The following GRID1 variants were observed in gnomAD, a reference collection of about 807,000 sequenced individuals.
GRID1 encodes glutamate ionotropic receptor delta type subunit 1.
Under a neutral mutation model 98.0 loss-of-function variants are expected in GRID1, and 28 were observed. That is an observed-to-expected ratio of 0.29 (90% CI 0.21 to 0.39). The LOEUF (loss-of-function observed/expected upper bound fraction) is 0.39, where lower values mean the gene tolerates loss of function less well. Ranked by LOEUF, GRID1 falls within the 10% of genes least tolerant of loss-of-function variation. GRID1 has a pLI of 1.00. For missense variants in GRID1, 1,111 were observed against 1,340.5 expected (o/e 0.83, Z 2.67); for synonymous variants, 553 against 538.5 (o/e 1.03, Z -0.37).
chr10:86,198,632 A>C (rs1845908147), intron 3 of GRID1, among the ~76,000 whole-genome samples: 1 of 152,194 alleles, frequency 6.6e-6, no homozygotes, highest in Non-Finnish European at 1.5e-5. Flanking sequence ...AAACTGTTGC[A>C]CAGAGAGGTT....
At chr10:86,252,201 T>C (rs889018231) in intron 2 of GRID1, among the ~76,000 whole-genome samples, 1 of 152,202 alleles carries the variant, frequency 6.6e-6, no homozygotes, top group Admixed American at 6.5e-5. Context: ...GGCAGGGCAA[T>C]GCCAGTCCTC....
At chr10:85,713,663 T>C (rs914354025) in intron 12 of GRID1, among the ~76,000 whole-genome samples, 1 of 143,370 alleles carries the variant, frequency 7.0e-6, no homozygotes, top group African/African-American at 2.6e-5. Flanking sequence ...CATGATCAAG[T>C]GGAACTTACC....
chr10:85,740,363 T>C (rs1002889019), intron 8 of GRID1, among the ~76,000 whole-genome samples: 4 of 152,220 alleles, frequency 2.6e-5, no homozygotes, highest in African/African-American at 4.8e-5. Flanking sequence ...AGGCTCATAC[T>C]AGCAGATTAA....
At chr10:85,616,470 C>A (rs983852163) in intron 14 of GRID1, among the ~76,000 whole-genome samples, 4 of 152,156 alleles carry the variant, frequency 2.6e-5, no homozygotes, top group African/African-American at 9.7e-5. Context: ...GTCAGATCCC[C>A]ACTCCTCCGC....
chr10:85,835,192 A>C (rs1360963235), intron 8 of GRID1, among the ~76,000 whole-genome samples: 1 of 152,192 alleles, frequency 6.6e-6, no homozygotes, highest in African/African-American at 2.4e-5. Flanking sequence ...AAAACTGATA[A>C]AGCTGAGAAG....
At position 85,620,043 on chromosome 10, in the gene GRID1, C is replaced by G. The variant is rs773280705; in HGVS notation, c.2194-10G>C. ...AGTTCCCCTTCTTTGCCTGAAAGAT[C>G]AAAATTACCATGAAGTCAGGCAGTC... On this transcript the variant is annotated splice_polypyrimidine_tract_variant and intron_variant, in intron 13 of 15. Transcript: ENST00000327946. The G allele has an allele frequency of 8.7e-6, 14 of 1,611,902 alleles. No homozygotes were observed. The South Asian group carries it at 9.9e-5, about 11-fold the overall frequency.
chr10:86,095,747 C>T (rs974229457), intron 4 of GRID1, among the ~76,000 whole-genome samples: 3 of 152,196 alleles, frequency 2.0e-5, no homozygotes, highest in African/African-American at 7.2e-5. Context: ...ACAGGGAACA[C>T]TTCCACACTG....
intron 5 of GRID1, among the ~76,000 whole-genome samples, chr10:85,911,596 C>A (rs1445955945): frequency 1.3e-5 from 2 of 152,218 alleles, no homozygotes; most frequent in Non-Finnish European, 2.9e-5. Flanking sequence ...ATACCCACAT[C>A]ATCTGTTAAG....
At chr10:86,165,947 A>G (rs1372773571) in intron 3 of GRID1, among the ~76,000 whole-genome samples, 2 of 152,208 alleles carry the variant, frequency 1.3e-5, no homozygotes, top group African/African-American at 4.8e-5. Flanking sequence ...GGCTCCGGTC[A>G]TGCTGATTGG....
At chr10:85,718,483 C>T (rs1295714680) in intron 12 of GRID1, among the ~76,000 whole-genome samples, 1 of 152,260 alleles carries the variant, frequency 6.6e-6, no homozygotes, top group Non-Finnish European at 1.5e-5. Context: ...GGCATCCAGG[C>T]GTTTCTATAC....
chr10:85,777,648 G>A (rs1318161274), intron 8 of GRID1, among the ~76,000 whole-genome samples: 3 of 152,186 alleles, frequency 2.0e-5, no homozygotes, highest in African/African-American at 7.2e-5. Flanking sequence ...CATGTAAAAG[G>A]AAATTGCCAA....
chr10:86,156,711 G>A (rs1024636011), intron 3 of GRID1, among the ~76,000 whole-genome samples: 44 of 152,226 alleles, frequency 2.9e-4, no homozygotes, highest in African/African-American at 1.1e-3. Context: ...GGTGCTATGT[G>A]GCAGCAGATG....
intron 6 of GRID1, among the ~76,000 whole-genome samples, chr10:85,867,482 T>C (rs1192842926): frequency 6.6e-6 from 1 of 151,912 alleles, no homozygotes; most frequent in Non-Finnish European, 1.5e-5. Flanking sequence ...TGGGTGGGAA[T>C]GGGCACACAC....
intron 2 of GRID1, among the ~76,000 whole-genome samples, chr10:86,362,791 T>C (rs1477678933): frequency 6.6e-6 from 1 of 152,192 alleles, no homozygotes; most frequent in African/African-American, 2.4e-5. Context: ...GCAACCCATG[T>C]GTACCAAAGC....
chr10:86,087,516 G>GTGTA (rs1289346992), intron 4 of GRID1, among the ~76,000 whole-genome samples: 20 of 150,814 alleles, frequency 1.3e-4, no homozygotes, highest in Middle Eastern at 3.4e-3. Flanking sequence ...GTGTCTGTGT[G>GTGTA]TGTGTGTGTG....
At chr10:86,293,270 C>T (rs1191040984) in intron 2 of GRID1, among the ~76,000 whole-genome samples, 1 of 152,268 alleles carries the variant, frequency 6.6e-6, no homozygotes, top group South Asian at 2.1e-4. Flanking sequence ...ACTCCAATGC[C>T]AGGGAGGGAG....
At chr10:85,996,759 G>C (rs144153186) in intron 4 of GRID1, among the ~76,000 whole-genome samples, 1,776 of 151,124 alleles carry the variant, frequency 0.012, 31 homozygotes, top group African/African-American at 0.04. Flanking sequence ...AACCCAGGAG[G>C]TAGAGGTTGC....
At position 85,944,821 on chromosome 10, in the gene GRID1, G is replaced by GTT. The variant is rs34412615; in HGVS notation, c.727-28584_727-28583dup. ...AAAGATGAATGTGATTTACTGTAGA[G>GTT]TTTTTTTTTTAAGTAAGTTACAACG... On this transcript the variant is annotated intron_variant, in intron 4 of 15. Coordinates refer to ENST00000327946, the MANE Select transcript of GRID1 (RefSeq NM_017551.3). Among the ~76,000 whole-genome samples the GTT allele has an allele frequency of 5.4e-3, 807 of 150,694 alleles. 6 individuals are homozygous for GTT. Among genetic ancestry groups the GTT allele is most frequent in the African/African-American group, 0.017 (712 of 40,970 alleles).
chr10:85,873,871 A>T (rs537571086), intron 5 of GRID1, among the ~76,000 whole-genome samples: 3 of 152,242 alleles, frequency 2.0e-5, no homozygotes, highest in African/African-American at 7.2e-5. Flanking sequence ...AGCTTTCCAG[A>T]TAATTCCAAT....
Sources: gnomAD v4.1 joint callset for allele counts (sites outside exome capture counted in the v4.1 genomes callset) on GRCh38, gnomAD v4.1.1 for gene constraint, MANE v1.5 for transcripts, NCBI Gene and HGNC (gene_info 2026-07-23, HGNC 2026-07-21) for gene names.